CFAP20DC: variants seen among roughly 807,000 people sequenced by gnomAD.
CFAP20DC encodes the protein CFAP20 domain containing.
In CFAP20DC, 84 loss-of-function variants were observed where a neutral mutation model predicts 101.7. The ratio of observed to expected loss-of-function variants is 0.83; its 90% CI spans 0.69 to 0.99. The LOEUF (loss-of-function observed/expected upper bound fraction) is 0.99, where lower values mean the gene tolerates loss of function less well. CFAP20DC is among the 50% of genes least tolerant of loss of function. CFAP20DC has a pLI of 0.00. For missense variants in CFAP20DC, 1,007 were observed against 970.3 expected, an observed-to-expected ratio of 1.04 and a Z score of -0.50; for synonymous variants, 359 against 351.2, an observed-to-expected ratio of 1.02 and a Z score of -0.25.
At chr3:58,985,529 A>G (rs80203868) in intron 4 of CFAP20DC, among the ~76,000 whole-genome samples, 3 of 152,240 alleles carry the variant, frequency 2.0e-5, no homozygotes, top group Admixed American at 6.5e-5. Flanking sequence ...ATCGGTGCCT[A>G]TTTCTTCAGA....
chr3:58,815,662 G>GA (rs879506635), intron 14 of CFAP20DC, among the ~76,000 whole-genome samples: 2 of 150,656 alleles, frequency 1.3e-5, no homozygotes, highest in South Asian at 4.2e-4. Flanking sequence ...AAATTTACAA[G>GA]AAAAAAAACA....
intron 14 of CFAP20DC, among the ~76,000 whole-genome samples, chr3:58,806,875 C>G (rs1041361593): frequency 6.6e-6 from 1 of 152,204 alleles, no homozygotes; most frequent in African/African-American, 2.4e-5. Flanking sequence ...TAATACTGCA[C>G]TTTTCCAACG....
intron 13 of CFAP20DC, 102 bp downstream of exon 13, chr3:58,848,930 C>T (rs2077974452): frequency 3.0e-6 from 4 of 1,340,136 alleles, no homozygotes; most frequent in Non-Finnish European, 4.0e-6. Flanking sequence ...CACTCATCAC[C>T]CAAATGATGA....
At chr3:58,936,713 G>A (rs903560540) in intron 5 of CFAP20DC, among the ~76,000 whole-genome samples, 1 of 152,104 alleles carries the variant, frequency 6.6e-6, no homozygotes, top group African/African-American at 2.4e-5. Context: ...GCACAGGTGG[G>A]AATTGAACAA....
intron 5 of CFAP20DC, among the ~76,000 whole-genome samples, chr3:58,929,758 A>T (rs1277749344): frequency 6.6e-6 from 1 of 152,190 alleles, no homozygotes; most frequent in Non-Finnish European, 1.5e-5. Flanking sequence ...ACTGAAAGAA[A>T]TGGTCAGTAT....
chr3:58,984,052 G>T (rs963739458), intron 4 of CFAP20DC, among the ~76,000 whole-genome samples: 1 of 152,122 alleles, frequency 6.6e-6, no homozygotes, highest in Non-Finnish European at 1.5e-5. Context: ...CCATTTCTTT[G>T]CCTGTCATTA....
intron 5 of CFAP20DC, among the ~76,000 whole-genome samples, chr3:58,932,022 G>C (rs963683179): frequency 2.5e-4 from 38 of 152,066 alleles, no homozygotes; most frequent in African/African-American, 8.7e-4. Flanking sequence ...TTAAAAACTT[G>C]GAAAAAAATT....
chr3:58,867,918 A>G lies in CFAP20DC; in HGVS notation c.1034T>C (p.Met345Thr), dbSNP rs1411110222. 6.2e-7 allele frequency: 1 copy of G among 1,611,976 alleles called. No individual in the cohort carries two copies. The highest frequency in any genetic ancestry group is 8.5e-7 in the Non-Finnish European group (1 of 1,179,078). ...VPIHAANLHI[M>T]HPHPPQEPSA... ...TGGTTCTTGAGGGGGATGCGGATGC[A>G]TAATATGTAGATTGGCTGCTACATT... Residue 345 changes from methionine to threonine, a missense_variant, in exon 10 of 17, where the codon ATG becomes ACG. Transcript: ENST00000482387.
intron 14 of CFAP20DC, among the ~76,000 whole-genome samples, chr3:58,813,457 T>C (rs1048342859): frequency 2.6e-5 from 4 of 151,972 alleles, no homozygotes; most frequent in African/African-American, 9.7e-5. Context: ...TTAAATTGCA[T>C]TCAAAGAGCT....
At chr3:58,824,093 G>A (rs1456547424) in intron 14 of CFAP20DC, among the ~76,000 whole-genome samples, 4 of 151,920 alleles carry the variant, frequency 2.6e-5, no homozygotes, top group Non-Finnish European at 5.9e-5. Flanking sequence ...ATCAGTTTTC[G>A]TATATCATTT....
chr3:58,908,472 C>T (rs73840006), intron 6 of CFAP20DC, among the ~76,000 whole-genome samples: 2,725 of 152,156 alleles, frequency 0.018, 69 homozygotes, highest in African/African-American at 0.061. Flanking sequence ...CATATTAGAA[C>T]GGTGAAATAT....
chr3:58,776,894 A>G (rs1310423811), intron 15 of CFAP20DC, among the ~76,000 whole-genome samples: 1 of 152,092 alleles, frequency 6.6e-6, no homozygotes, highest in African/African-American at 2.4e-5. Flanking sequence ...CTGGGATTCA[A>G]TCTTGCCTGC....
In CFAP20DC at chr3:58,848,519, A is replaced by C. The variant is rs183564177; in HGVS notation, c.1971+513T>G. ...AGGAAGGAAAAAATCAATCTGATGG[A>C]CACGAATACAGCCACCAAACTAGCC... On this transcript the variant is annotated intron_variant, in intron 13 of 16. Transcript: ENST00000482387. Among the ~76,000 whole-genome samples the C allele has an allele frequency of 5.3e-5, 8 of 152,334 alleles. No homozygotes were observed. The East Asian group carries it at 7.7e-4, about 15-fold the overall frequency.
At chr3:58,843,531 G>A (rs1420619349) in intron 13 of CFAP20DC, among the ~76,000 whole-genome samples, 8 of 151,936 alleles carry the variant, frequency 5.3e-5, no homozygotes, top group East Asian at 1.9e-4. Flanking sequence ...CCAAATCTAC[G>A]TCTGATTGGT....
chr3:58,788,389 G>C lies in CFAP20DC; in HGVS notation c.2237+18006C>G, dbSNP rs2072567355. Among the ~76,000 whole-genome samples, 1 of 152,118 alleles carries C rather than the reference G, an allele frequency of 6.6e-6. No homozygotes were observed. The highest frequency in any genetic ancestry group is 1.5e-5 in the Non-Finnish European group (1 of 68,008). ...TTGGTGAGAATCCACAGACATTTTT[G>C]AGCTTCTAATGTGGACAGCGCTGTA... On this transcript the variant is annotated intron_variant, in intron 15 of 16. Transcript: ENST00000482387. This position sits in a 1 kb window ranked among gnomAD's most constrained non-coding sequence, Gnocchi z 4.2.
chr3:58,935,975 A>G (rs1323158913), intron 5 of CFAP20DC, among the ~76,000 whole-genome samples: 6 of 152,106 alleles, frequency 3.9e-5, no homozygotes, highest in Non-Finnish European at 7.4e-5. Context: ...CTACCATCAG[A>G]GTGAACAGGC....
At chr3:58,734,657 C>T (rs2067710931) in intron 3 of CFAP20DC, 1 of 440,920 alleles carries the variant, frequency 2.3e-6, no homozygotes, top group Non-Finnish European at 4.6e-6. Context: ...TGCCTATGGT[C>T]CCCAAGTTCC....
intron 14 of CFAP20DC, among the ~76,000 whole-genome samples, chr3:58,806,749 C>T (rs1263630841): frequency 6.6e-6 from 1 of 152,174 alleles, no homozygotes; most frequent in Non-Finnish European, 1.5e-5. Flanking sequence ...CGTGTGCGAG[C>T]CGAAGCAGGG....
chr3:58,759,043 G>T (rs916512780), intron 15 of CFAP20DC, among the ~76,000 whole-genome samples: 5 of 152,282 alleles, frequency 3.3e-5, no homozygotes, highest in African/African-American at 1.2e-4. Context: ...AGTCCTTTGG[G>T]TATATACCCA....
Sources: allele counts gnomAD v4.1 joint callset (sites outside exome capture counted in the v4.1 genomes callset), GRCh38; gene constraint gnomAD v4.1.1; non-coding constraint Gnocchi (gnomAD v3.1); transcripts MANE v1.5; gene names NCBI Gene and HGNC (gene_info 2026-07-23, HGNC 2026-07-21).